The following AFF3 variants were observed in gnomAD, a reference collection of about 807,000 sequenced individuals.
AFF3 encodes the protein AF4/FMR2 family member 3.
In AFF3, 32 loss-of-function variants were observed where a neutral mutation model predicts 129.7. The ratio of observed to expected loss-of-function variants is 0.25; its 90% CI spans 0.19 to 0.33. The LOEUF is 0.33. Among genes scored for constraint, AFF3 ranks in the 10% least tolerant of loss-of-function variants. The pLI, the probability that AFF3 is intolerant of heterozygous loss-of-function variation, is 1.00. For synonymous variants in AFF3, 644 were observed against 635.4 expected (o/e 1.01, Z -0.20); for missense variants, 1,373 against 1,592.0 (o/e 0.86, Z 2.34).
chr2:100,011,188 G>A (rs1573103370), intron 4 of AFF3, among the ~76,000 whole-genome samples: 3 of 152,124 alleles, frequency 2.0e-5, no homozygotes, highest in African/African-American at 4.8e-5. Context: ...GCAGGAGAAC[G>A]GCACGAACCC....
At chr2:100,029,814 G>T (rs1192114868) in intron 4 of AFF3, among the ~76,000 whole-genome samples, 1 of 152,176 alleles carries the variant, frequency 6.6e-6, no homozygotes, top group African/African-American at 2.4e-5. Context: ...CCTGTAATCT[G>T]AGAACTTTGG....
intron 11 of AFF3, among the ~76,000 whole-genome samples, chr2:99,722,932 T>C (rs1679030927): frequency 1.3e-5 from 2 of 152,198 alleles, no homozygotes; most frequent in South Asian, 4.1e-4. Context: ...GGAGAAGCTA[T>C]ATAAACATAG....
At chr2:99,814,343 G>A (rs1415045122) in intron 8 of AFF3, among the ~76,000 whole-genome samples, 5 of 152,014 alleles carry the variant, frequency 3.3e-5, no homozygotes, top group Admixed American at 2.6e-4. Flanking sequence ...GCAACTGAAT[G>A]GCCTGAGATA....
intron 7 of AFF3, among the ~76,000 whole-genome samples, chr2:99,925,042 A>AT (rs1186856303): frequency 6.6e-6 from 1 of 151,542 alleles, no homozygotes; most frequent in Non-Finnish European, 1.5e-5. Context: ...TGTTCAGCTA[A>AT]TTTTTTACAT....
At chr2:99,905,632 A>C (rs1256575663) in intron 7 of AFF3, among the ~76,000 whole-genome samples, 1 of 152,178 alleles carries the variant, frequency 6.6e-6, no homozygotes, top group African/African-American at 2.4e-5. Context: ...CTTTTGTTTG[A>C]ATTTTATATT....
intron 8 of AFF3, among the ~76,000 whole-genome samples, chr2:99,789,008 T>A (rs898141889): frequency 6.6e-6 from 1 of 152,184 alleles, no homozygotes; most frequent in Non-Finnish European, 1.5e-5. Flanking sequence ...GGCTATACCA[T>A]CTTAGTTTGT....
At chr2:100,021,517 T>A (rs1683601203) in intron 4 of AFF3, among the ~76,000 whole-genome samples, 1 of 152,208 alleles carries the variant, frequency 6.6e-6, no homozygotes, top group Non-Finnish European at 1.5e-5. Context: ...GTCCTACATT[T>A]TATTTATGGT....
chr2:99,821,022 G>A (rs1482752484), intron 8 of AFF3, among the ~76,000 whole-genome samples: 5 of 151,706 alleles, frequency 3.3e-5, no homozygotes, highest in African/African-American at 1.2e-4. Flanking sequence ...ACAGGTGCAC[G>A]CCACCATGCC....
chr2:99,913,920 C>A (rs1447625844), intron 7 of AFF3, among the ~76,000 whole-genome samples: 2 of 152,160 alleles, frequency 1.3e-5, no homozygotes, highest in Non-Finnish European at 2.9e-5. Flanking sequence ...AGAGAAAGGT[C>A]TTCCTTATAG....
At chr2:99,599,617 G>A (rs1679623515) in intron 14 of AFF3, among the ~76,000 whole-genome samples, 1 of 152,142 alleles carries the variant, frequency 6.6e-6, no homozygotes, top group Admixed American at 6.5e-5. Context: ...TACATTTCAG[G>A]ATGAAAATAA....
chr2:99,888,442 T>C lies in AFF3; in HGVS notation c.874-50918A>G, dbSNP rs148071236. Among the ~76,000 whole-genome samples the C allele has an allele frequency of 8.3e-4, 126 of 152,370 alleles. No individual in the cohort carries two copies. In the Middle Eastern group the frequency reaches 0.014, roughly 16 times the overall value. ...CTACATTTTGAACACATTCAGGATTTCACAGCTACAATACTAGAAATGTTT... is the reference window on the plus strand; with the variant it reads ...CTACATTTTGAACACATTCAGGATTCCACAGCTACAATACTAGAAATGTTT... On this transcript the variant is annotated intron_variant, in intron 7 of 24. Coordinates refer to ENST00000672756, the MANE Select transcript of AFF3 (RefSeq NM_001386135.1).
At chr2:100,030,771 T>C (rs1424473242) in intron 4 of AFF3, among the ~76,000 whole-genome samples, 1 of 152,228 alleles carries the variant, frequency 6.6e-6, no homozygotes, top group African/African-American at 2.4e-5. Context: ...ACATATTGGA[T>C]GATTCCAATT....
Position 99,582,853 on chromosome 2 carries a change from G to C in AFF3, c.2738C>G (p.Ser913Cys). ...NGNSLFTSAS[S>C]SKKPKADSQL... ...GCTGTCGGCCTTAGGCTTTTTGCTG[G>C]AAGAGGCTGAAGTAAACAAACTGTT... The change falls in exon 17 of 25, where the codon TCC becomes TGC. Residue 913 changes from serine (S) to cysteine (C), a missense_variant. Transcript: ENST00000672756. The C allele has an allele frequency of 6.2e-7, 1 of 1,614,226 alleles. No homozygotes were observed. Among genetic ancestry groups the C allele is most frequent in the Non-Finnish European group, 8.5e-7 (1 of 1,180,040 alleles).
intron 12 of AFF3, among the ~76,000 whole-genome samples, chr2:99,659,953 A>G (rs1357159006): frequency 6.6e-6 from 1 of 152,124 alleles, no homozygotes; most frequent in East Asian, 1.9e-4. Context: ...GGTCATTCAC[A>G]TGTTCCTGGA....
intron 4 of AFF3, among the ~76,000 whole-genome samples, chr2:100,012,388 C>T (rs1682633960): frequency 6.6e-6 from 1 of 152,120 alleles, no homozygotes; most frequent in African/African-American, 2.4e-5. Context: ...AAGCACAAGC[C>T]CCCCACCACA....
At chr2:99,556,585 G>T (rs535860805) in intron 22 of AFF3, among the ~76,000 whole-genome samples, 1 of 152,206 alleles carries the variant, frequency 6.6e-6, no homozygotes. Context: ...AATTGTCTTG[G>T]GTACCTAAAG....
At chr2:99,706,999 C>T in intron 11 of AFF3, 1 of 670,374 alleles carries the variant, frequency 1.5e-6, no homozygotes. Flanking sequence ...TTCACATTTG[C>T]ATATTCAGCA....
chr2:99,872,918 C>T (rs1418068147), intron 7 of AFF3, among the ~76,000 whole-genome samples: 1 of 152,156 alleles, frequency 6.6e-6, no homozygotes, highest in Non-Finnish European at 1.5e-5. Context: ...TGCTTAAAAG[C>T]TCAAATTTTA....
Position 100,006,936 on chromosome 2 carries a change from T to G in AFF3, c.569A>C (p.Glu190Ala). 6.2e-7 allele frequency: 1 copy of G among 1,614,154 alleles called. No homozygotes were observed. The highest frequency in any genetic ancestry group is 8.5e-7 in the Non-Finnish European group (1 of 1,180,034). The part of the protein sequence containing the change: ...QPRAKQVCNV[E>A]VGLQTQERPP... Reference sequence around the variant, plus strand: ...CCTCTCCTGGGTCTGAAGGCCCACCTCCACATTGCACACTTGTTTGGCCCG... The same window carrying G: ...CCTCTCCTGGGTCTGAAGGCCCACCGCCACATTGCACACTTGTTTGGCCCG... Residue 190 changes from glutamate (E) to alanine (A), a missense_variant, in exon 7 of 25, where the codon GAG becomes GCG. Glu to Ala is a moderately radical substitution (Grantham distance 107). Around this residue, in one of 9 missense-constraint regions of AFF3, gnomAD observed 255 missense variants for 256.0 expected, o/e 1.00. Transcript: ENST00000672756.
Sources: allele counts gnomAD v4.1 joint callset (sites outside exome capture counted in the v4.1 genomes callset), GRCh38; gene constraint gnomAD v4.1.1; regional missense constraint gnomAD v4.1.1; transcripts MANE v1.5; gene names NCBI Gene and HGNC (gene_info 2026-07-23, HGNC 2026-07-21).